The following PARD3 variants were observed in gnomAD, a reference collection of about 807,000 sequenced individuals.
PARD3 encodes partitioning defective 3 homolog.
A neutral mutation model predicts 155.4 loss-of-function variants in PARD3; 75 were observed. The ratio of observed to expected loss-of-function variants is 0.48; its 90% CI spans 0.40 to 0.58. The LOEUF is 0.58. Ranked by LOEUF, PARD3 falls within the 20% of genes least tolerant of loss-of-function variation. The pLI, the probability that PARD3 is intolerant of heterozygous loss-of-function variation, is 0.00. For synonymous variants in PARD3, 576 were observed against 610.5 expected (o/e 0.94, Z 0.83); for missense variants, 1,642 against 1,721.7 (o/e 0.95, Z 0.82).
At chr10:34,159,532 G>C (rs572877115) in intron 22 of PARD3, among the ~76,000 whole-genome samples, 1 of 152,324 alleles carries the variant, frequency 6.6e-6, no homozygotes, top group East Asian at 1.9e-4. Flanking sequence ...GTGGGAGATA[G>C]GATAATCTGA....
intron 5 of PARD3, among the ~76,000 whole-genome samples, chr10:34,417,545 GT>G (rs1461032564): frequency 2.0e-5 from 3 of 151,954 alleles, no homozygotes; most frequent in African/African-American, 7.3e-5. Context: ...ATTCTTAAAG[GT>G]GATTTGAAGG....
At position 34,651,011 on chromosome 10, in the gene PARD3, C is replaced by CAAAAAAAAAAAAA. The variant is rs60113552; in HGVS notation, c.222+45294_222+45306dup. On this transcript the variant is annotated intron_variant, in intron 2 of 24. Transcript: ENST00000374788. ...GGGCAACAAGAACGAAACTCTGTCT[C>CAAAAAAAAAAAAA]AAAAAAAAAAAAAAAAAAAAAAAAA... Among the ~76,000 whole-genome samples the CAAAAAAAAAAAAA allele has an allele frequency of 1.1e-4, 5 of 44,544 alleles. 1 individual carries two copies. Among genetic ancestry groups the CAAAAAAAAAAAAA allele is most frequent in the African/African-American group, 2.6e-4 (3 of 11,366 alleles). The allele number at this position is 44,544 out of a possible 152,430, so 29.2% of individuals were successfully genotyped here.
intron 1 of PARD3, among the ~76,000 whole-genome samples, chr10:34,784,726 C>T (rs1447478489): frequency 6.6e-6 from 1 of 152,162 alleles, no homozygotes; most frequent in Non-Finnish European, 1.5e-5. Flanking sequence ...CGTGAGCCAC[C>T]GTGCCCGGCC....
At chr10:34,371,737 G>A (rs1346923072) in intron 12 of PARD3, among the ~76,000 whole-genome samples, 1 of 151,922 alleles carries the variant, frequency 6.6e-6, no homozygotes, top group Non-Finnish European at 1.5e-5. Context: ...GATAGTTTGA[G>A]AATGAATGTT....
At chr10:34,184,583 G>C (rs1056745727) in intron 22 of PARD3, among the ~76,000 whole-genome samples, 1 of 152,074 alleles carries the variant, frequency 6.6e-6, no homozygotes, top group Non-Finnish European at 1.5e-5. Context: ...GTTTATTCAT[G>C]CCTTATAAGA....
At chr10:34,646,021 C>A (rs760885871) in intron 2 of PARD3, among the ~76,000 whole-genome samples, 1 of 152,144 alleles carries the variant, frequency 6.6e-6, no homozygotes, top group Non-Finnish European at 1.5e-5. Flanking sequence ...AGGAACTAGG[C>A]CAGAACCCCC....
At chr10:34,721,254 G>T (rs1431235319) in intron 1 of PARD3, among the ~76,000 whole-genome samples, 1 of 152,210 alleles carries the variant, frequency 6.6e-6, no homozygotes, top group Non-Finnish European at 1.5e-5. Context: ...GAACTGAAGA[G>T]ACTGCATTCT....
At chr10:34,479,005 T>C (rs779703075) in intron 3 of PARD3, among the ~76,000 whole-genome samples, 3 of 152,208 alleles carry the variant, frequency 2.0e-5, no homozygotes, top group Admixed American at 6.5e-5. Flanking sequence ...TAAGATTGTA[T>C]ACATTTTATA....
In PARD3 at chr10:34,131,520, T is replaced by TGCTTGCTGAAATTCTTGCCTC. The variant is rs1299751824; in HGVS notation, c.3462_3482dup (p.Arg1155_Ala1161dup). ...GATCTTCTACATCTTCATCTTGCTT[T>TGCTTGCTGAAATTCTTGCCTC]GCTTGCTGAAATTCTTGCCTCAGAC... On this transcript the variant is annotated inframe_insertion, in exon 23 of 25. Transcript: ENST00000374788. 1 of 1,613,856 alleles carries TGCTTGCTGAAATTCTTGCCTC rather than the reference T, an allele frequency of 6.2e-7. No homozygotes were observed. The highest frequency in any genetic ancestry group is 1.3e-5 in the African/African-American group (1 of 74,942).
At position 34,814,964 on chromosome 10, in the gene PARD3, C is replaced by A; in HGVS notation, c.32G>T (p.Arg11Leu). 6.4e-7 allele frequency: 1 copy of A among 1,556,110 alleles called. No homozygotes were observed. MKVTVCFGRTRVVVPCGDGHM... is the reference protein window; with the variant it reads MKVTVCFGRTLVVVPCGDGHM... Reference sequence around the variant, plus strand: ...GCCGTCCCCGCACGGCACGACCACCCGGGTCCGTCCGAAGCACACGGTCAC... The same window carrying A: ...GCCGTCCCCGCACGGCACGACCACCAGGGTCCGTCCGAAGCACACGGTCAC... Residue 11 changes from arginine to leucine, a missense_variant, in exon 1 of 25, where the codon CGG becomes CTG. Arg to Leu is a moderately radical substitution (Grantham distance 102). Coordinates refer to ENST00000374788, the MANE Select transcript of PARD3 (RefSeq NM_001184785.2).
At position 34,341,660 on chromosome 10, in the gene PARD3, C is replaced by A; in HGVS notation, c.2375G>T (p.Trp792Leu). Residue 792 changes from tryptophan to leucine, a missense_variant, in exon 16 of 25, where the codon TGG becomes TTG. Around this residue, in one of 3 missense-constraint regions of PARD3, gnomAD observed 1,529 missense variants for 1,587.3 expected, o/e 0.96. Transcript: ENST00000374788. ...TGAATCACTGATTGCAGCCTTGGCC[C>A]AAGTACCAGCATCTGCCGTCACAAA... ...VGFVTADAGT[W>L]AKAAISDSAD... The A allele has an allele frequency of 1.9e-6, 3 of 1,613,612 alleles. No individual in the cohort carries two copies. The highest frequency in any genetic ancestry group is 2.5e-6 in the Non-Finnish European group (3 of 1,179,828).
intron 15 of PARD3, chr10:34,344,386 A>T (rs1837178355): frequency 3.0e-6 from 2 of 674,698 alleles, no homozygotes; most frequent in Middle Eastern, 7.5e-4. Flanking sequence ...GGGTTTAAGC[A>T]ATTCTCCTGC....
At chr10:34,446,576 T>G (rs746668145) in intron 5 of PARD3, among the ~76,000 whole-genome samples, 1 of 152,196 alleles carries the variant, frequency 6.6e-6, no homozygotes, top group Non-Finnish European at 1.5e-5. Flanking sequence ...TATCTAAATC[T>G]TAAAAACATT....
chr10:34,410,342 A>G (rs563960429), intron 5 of PARD3, among the ~76,000 whole-genome samples: 54 of 152,002 alleles, frequency 3.6e-4, no homozygotes, highest in African/African-American at 1.3e-3. Context: ...CTTACATAGT[A>G]ATAATAAAAT....
At chr10:34,720,307 T>G (rs2094583686) in intron 1 of PARD3, among the ~76,000 whole-genome samples, 1 of 151,934 alleles carries the variant, frequency 6.6e-6, no homozygotes, top group Non-Finnish European at 1.5e-5. Flanking sequence ...TGGTGGTGGG[T>G]GCCTGTAATC....
chr10:34,117,200 T>C (rs1025146807), intron 24 of PARD3, among the ~76,000 whole-genome samples: 3 of 152,188 alleles, frequency 2.0e-5, no homozygotes, highest in African/African-American at 7.2e-5. Context: ...CACACTTTGT[T>C]ATGTTTCTCC....
chr10:34,566,048 G>A (rs1461119538), intron 2 of PARD3, among the ~76,000 whole-genome samples: 1 of 152,190 alleles, frequency 6.6e-6, no homozygotes, highest in Non-Finnish European at 1.5e-5. Context: ...ACAGGAGGAC[G>A]GCTGTTCTTA....
At chr10:34,418,304 A>T (rs1845864600) in intron 5 of PARD3, among the ~76,000 whole-genome samples, 1 of 152,048 alleles carries the variant, frequency 6.6e-6, no homozygotes, top group Non-Finnish European at 1.5e-5. Context: ...CCTCCTAAGT[A>T]GCTGAGAGTG....
At chr10:34,630,584 G>A (rs956417679) in intron 2 of PARD3, among the ~76,000 whole-genome samples, 1 of 151,818 alleles carries the variant, frequency 6.6e-6, no homozygotes, top group Admixed American at 6.6e-5. Flanking sequence ...GGAGTAACTG[G>A]GGACTACATG....
Sources: gnomAD v4.1 joint callset for allele counts (sites outside exome capture counted in the v4.1 genomes callset) on GRCh38, gnomAD v4.1.1 for gene constraint, gnomAD v4.1.1 regional missense constraint, MANE v1.5 for transcripts, NCBI Gene and HGNC (gene_info 2026-07-23, HGNC 2026-07-21) for gene names.